Variants in MREG observed in about 807,000 individuals in gnomAD.
MREG encodes melanoregulin.
In MREG, 31 loss-of-function variants were observed where a neutral mutation model predicts 28.5. That is an observed-to-expected ratio of 1.09 (90% confidence interval 0.82 to 1.47). The LOEUF (loss-of-function observed/expected upper bound fraction) is 1.47. MREG is among the 40% of genes most tolerant of loss of function. The pLI is 0.00. For missense variants in MREG, 256 were observed against 257.4 expected, an observed-to-expected ratio of 0.99 and a Z score of 0.04; for synonymous variants, 106 against 95.2, an observed-to-expected ratio of 1.11 and a Z score of -0.66.
At chr2:215,998,543 A>G (rs1410040818) in intron 1 of MREG, among the ~76,000 whole-genome samples, 4 of 152,096 alleles carry the variant, frequency 2.6e-5, no homozygotes, top group East Asian at 1.9e-4. Flanking sequence ...ACCTGGCCCT[A>G]TGGGGAAAGG....
intron 2 of MREG, among the ~76,000 whole-genome samples, chr2:215,954,483 C>CAA (rs1692570942): frequency 1.3e-5 from 2 of 150,786 alleles, no homozygotes; most frequent in African/African-American, 4.9e-5. Flanking sequence ...CACACACACA[C>CAA]AAAACAACCA....
intron 1 of MREG, among the ~76,000 whole-genome samples, chr2:216,022,105 G>C (rs1694528465): frequency 6.6e-6 from 1 of 152,074 alleles, no homozygotes; most frequent in Non-Finnish European, 1.5e-5. Flanking sequence ...AAATTAGCTG[G>C]GTGTGGTGGC....
chr2:216,020,067 C>T (rs1031811771), intron 1 of MREG, among the ~76,000 whole-genome samples: 5 of 152,158 alleles, frequency 3.3e-5, no homozygotes, highest in African/African-American at 9.6e-5. Context: ...GAGTAGAGCA[C>T]GGTAAGATGT....
chr2:215,963,919 A>G (rs915704302), intron 2 of MREG, among the ~76,000 whole-genome samples: 9 of 152,242 alleles, frequency 5.9e-5, no homozygotes, highest in African/African-American at 1.9e-4. Context: ...ATTTGACTAA[A>G]TACAAATTTG....
At chr2:215,992,500 G>A (rs1299759015) in intron 2 of MREG, among the ~76,000 whole-genome samples, 4 of 152,068 alleles carry the variant, frequency 2.6e-5, no homozygotes, top group Non-Finnish European at 5.9e-5. Context: ...TTTGAAAACC[G>A]GCACAAGACA....
rs116818768 is a variant in MREG at position 215,976,651 on chromosome 2, G to A, written c.255+19655C>T. ...GAGTGCTCCATAAGTGTCAGTTGTC[G>A]GGAAGCCCATCAGACTAACAGCGGA... On this transcript the variant is annotated intron_variant, in intron 2 of 4. Coordinates refer to ENST00000263268, the MANE Select transcript of MREG (RefSeq NM_018000.3). Among the ~76,000 whole-genome samples the A allele has an allele frequency of 7.7e-3, 1,167 of 152,280 alleles. 3 individuals carry two copies. The highest frequency in any genetic ancestry group is 0.013 in the Non-Finnish European group (896 of 68,028).
intron 2 of MREG, among the ~76,000 whole-genome samples, chr2:215,953,135 G>A (rs964099494): frequency 1.3e-5 from 2 of 152,186 alleles, no homozygotes; most frequent in Non-Finnish European, 2.9e-5. Context: ...GAAACAAAGG[G>A]CATGAACACC....
intron 1 of MREG, among the ~76,000 whole-genome samples, chr2:215,999,276 A>C (rs1693950348): frequency 6.6e-6 from 1 of 152,230 alleles, no homozygotes; most frequent in African/African-American, 2.4e-5. Flanking sequence ...CAGGATTTTG[A>C]GCCCTGTCAG....
chr2:216,010,354 CTTTTTTTT>C (rs1164326774), intron 1 of MREG, among the ~76,000 whole-genome samples: 11 of 94,370 alleles, frequency 1.2e-4, no homozygotes, highest in African/African-American at 2.1e-4. Context: ...AAAGATTTCT[CTTTTTTTT>C]TTTTTTTTTT....
intron 2 of MREG, among the ~76,000 whole-genome samples, chr2:215,970,892 T>C (rs1335502040): frequency 6.6e-6 from 1 of 152,114 alleles, no homozygotes; most frequent in Non-Finnish European, 1.5e-5. Flanking sequence ...CAAATGCCCA[T>C]CAATGATAGA....
intron 2 of MREG, among the ~76,000 whole-genome samples, chr2:215,949,203 C>T (rs1692416374): frequency 6.6e-6 from 1 of 150,546 alleles, no homozygotes; most frequent in Non-Finnish European, 1.5e-5. Context: ...GCAGAGGTTG[C>T]AGTGCGCAGA....
At chr2:215,967,388 T>C (rs1574609258) in intron 2 of MREG, among the ~76,000 whole-genome samples, 1 of 152,338 alleles carries the variant, frequency 6.6e-6, no homozygotes, top group South Asian at 2.1e-4. Flanking sequence ...AAAATTATAG[T>C]GCATTTTTTC....
intron 2 of MREG, among the ~76,000 whole-genome samples, chr2:215,976,001 G>C (rs1273528715): frequency 1.3e-5 from 2 of 152,082 alleles, no homozygotes; most frequent in African/African-American, 4.8e-5. Flanking sequence ...GTATGGGGGA[G>C]CTGGGCTGAG....
In MREG at chr2:216,031,647, AAAAGAAAGAAAGAAAG is replaced by A. The variant is rs200929112; in HGVS notation, c.-68+1126_-68+1141del. On this transcript the variant is annotated intron_variant, in intron 1 of 3. Transcript: ENST00000420348. Reference sequence around the variant, plus strand: ...AAGGAACAAGGAAGGAAGGAAGAAGAAAAGAAAGAAAGAAAGAAAGAAAGAAAGAAAGAAAGAAAGA... The same window carrying A: ...AAGGAACAAGGAAGGAAGGAAGAAGAAAAGAAAGAAAGAAAGAAAGAAAGA... 4.0e-3 allele frequency among the ~76,000 whole-genome samples: 392 copies of A among 98,058 alleles called. 5 individuals are homozygous for A. The highest frequency in any genetic ancestry group is 0.014 in the African/African-American group (374 of 26,950). 64.3% of individuals were successfully genotyped at this position (98,058 alleles called of 152,430 possible). A position where few individuals can be genotyped will look rare whatever the true frequency, so the allele number is the denominator to read the frequency against.
intron 2 of MREG, among the ~76,000 whole-genome samples, chr2:215,964,593 C>T (rs2105983453): frequency 6.6e-6 from 1 of 152,114 alleles, no homozygotes; most frequent in African/African-American, 2.4e-5. Flanking sequence ...CTATAATAAC[C>T]AAAGAAATTC....
At chr2:216,031,449 A>G (rs1421770494) in intron 1 of MREG, among the ~76,000 whole-genome samples, 27 of 144,170 alleles carry the variant, frequency 1.9e-4, no homozygotes, top group African/African-American at 3.4e-4. Flanking sequence ...AAGAAAAAGA[A>G]AGAAAGAGAG....
chr2:216,012,110 A>C (rs981426308), intron 1 of MREG, among the ~76,000 whole-genome samples: 1 of 152,240 alleles, frequency 6.6e-6, no homozygotes, highest in Non-Finnish European at 1.5e-5. Flanking sequence ...ACATCCTAGA[A>C]GAGGAAGATG....
upstream of MREG, among the ~76,000 whole-genome samples, chr2:216,014,812 A>C (rs1694405650): frequency 6.6e-6 from 1 of 152,158 alleles, no homozygotes; most frequent in Admixed American, 6.5e-5. Flanking sequence ...CAACATATGA[A>C]AGTATCTACT....
At chr2:215,949,996 G>A (rs1692443436) in intron 2 of MREG, among the ~76,000 whole-genome samples, 1 of 152,176 alleles carries the variant, frequency 6.6e-6, no homozygotes, top group African/African-American at 2.4e-5. Flanking sequence ...ATTAGGCAGA[G>A]CTACACTGTG....
Sources: allele counts gnomAD v4.1 joint callset (sites outside exome capture counted in the v4.1 genomes callset), GRCh38; gene constraint gnomAD v4.1.1; transcripts MANE v1.5; gene names NCBI Gene and HGNC (gene_info 2026-07-23, HGNC 2026-07-21).